C8orf34: variants seen among roughly 807,000 people sequenced by gnomAD.
The protein encoded by C8orf34 is uncharacterized protein C8orf34.
C8orf34 carries 65 observed loss-of-function variants against 68.3 expected under a neutral mutation model. The ratio of observed to expected loss-of-function variants is 0.95; its 90% CI spans 0.78 to 1.17. The LOEUF (loss-of-function observed/expected upper bound fraction) is 1.17, where lower values mean the gene tolerates loss of function less well. Ranked by LOEUF, C8orf34 falls within the 50% of genes most tolerant of loss-of-function variation. The pLI is 0.00. For synonymous variants in C8orf34, 244 were observed against 241.2 expected (o/e 1.01, Z -0.11); for missense variants, 664 against 655.4 (o/e 1.01, Z -0.14).
chr8:68,678,640 T>A lies in C8orf34; in HGVS notation c.1242-30354T>A, dbSNP rs58996833. ...GACAGACCCACAGCTAGTAGTATACTGAATGGGGAAAAACTGAAAGGCTTT... is the reference window on the plus strand; with the variant it reads ...GACAGACCCACAGCTAGTAGTATACAGAATGGGGAAAAACTGAAAGGCTTT... On this transcript the variant is annotated intron_variant, in intron 8 of 13. Coordinates refer to ENST00000518698, the MANE Select transcript of C8orf34 (RefSeq NM_052958.4). Among the ~76,000 whole-genome samples, 13 of 152,176 alleles carry A rather than the reference T, an allele frequency of 8.5e-5. No homozygotes were observed. In the East Asian group the frequency reaches 2.5e-3, roughly 30 times the overall value.
chr8:68,667,175 G>A (rs1243134711), intron 8 of C8orf34, among the ~76,000 whole-genome samples: 5 of 152,124 alleles, frequency 3.3e-5, no homozygotes, highest in Non-Finnish European at 5.9e-5. Flanking sequence ...AAACAATGAA[G>A]TCAAAGAGTT....
chr8:68,627,706 C>T (rs921947436), intron 7 of C8orf34, among the ~76,000 whole-genome samples: 1 of 152,212 alleles, frequency 6.6e-6, no homozygotes, highest in Admixed American at 6.5e-5. Context: ...GAAACCACTC[C>T]CAGATGTCTT....
chr8:68,385,143 T>A (rs1808206905), intron 1 of C8orf34, among the ~76,000 whole-genome samples: 1 of 152,186 alleles, frequency 6.6e-6, no homozygotes, highest in Non-Finnish European at 1.5e-5. Flanking sequence ...CCACAATTAC[T>A]ATGTGACAGT....
chr8:68,635,824 T>C (rs1818823581), intron 7 of C8orf34, among the ~76,000 whole-genome samples: 1 of 151,920 alleles, frequency 6.6e-6, no homozygotes, highest in East Asian at 1.9e-4. Context: ...ATTTCTTCTC[T>C]GCAGGCACAG....
intron 4 of C8orf34, among the ~76,000 whole-genome samples, chr8:68,485,849 G>A (rs1482700239): frequency 6.6e-6 from 1 of 151,764 alleles, no homozygotes; most frequent in African/African-American, 2.4e-5. Context: ...GACTTTGGGT[G>A]AGAAACAGAA....
At position 68,580,083 on chromosome 8, in the gene C8orf34, G is replaced by T. The variant is rs570444996; in HGVS notation, c.1105+46934G>T. 2.6e-5 allele frequency among the ~76,000 whole-genome samples: 4 copies of T among 152,124 alleles called. No homozygotes were observed. The South Asian group carries it at 8.3e-4, about 32-fold the overall frequency. ...CAAATTCATAGTAAGGACAGAAACA[G>T]AATAAACATAATGAGTAATAAAGTA... On this transcript the variant is annotated intron_variant, in intron 7 of 13. Coordinates refer to ENST00000518698, the MANE Select transcript of C8orf34 (RefSeq NM_052958.4).
chr8:68,503,140 A>G (rs1813851226), intron 5 of C8orf34, among the ~76,000 whole-genome samples: 2 of 152,208 alleles, frequency 1.3e-5, no homozygotes, highest in African/African-American at 4.8e-5. Context: ...AAGACTGTCC[A>G]TCAGTTGCAG....
chr8:68,602,960 T>A (rs1817742092), intron 7 of C8orf34, among the ~76,000 whole-genome samples: 1 of 152,140 alleles, frequency 6.6e-6, no homozygotes. Flanking sequence ...TCTTTCCACA[T>A]GTTGGCAGTT....
chr8:68,690,768 AAG>A, intron 8 of C8orf34, among the ~76,000 whole-genome samples: 1 of 152,222 alleles, frequency 6.6e-6, no homozygotes, highest in South Asian at 2.1e-4. Flanking sequence ...TTAGGAAATG[AAG>A]ACTCAAAGAA....
intron 8 of C8orf34, among the ~76,000 whole-genome samples, chr8:68,649,455 G>A (rs776400398): frequency 1.2e-4 from 18 of 152,126 alleles, no homozygotes; most frequent in Non-Finnish European, 2.1e-4. Context: ...GAATGGCTAC[G>A]TCATCCCAGA....
intron 3 of C8orf34, among the ~76,000 whole-genome samples, chr8:68,466,348 GT>G (rs2129629674): frequency 6.6e-6 from 1 of 152,102 alleles, no homozygotes; most frequent in African/African-American, 2.4e-5. Flanking sequence ...TAACACGAGT[GT>G]ACTGTACTCA....
rs549389444 is a variant in C8orf34, at chr8:68,777,885, G to C, written c.1455+1436G>C. Among the ~76,000 whole-genome samples, 3 of 152,178 alleles carry C rather than the reference G, an allele frequency of 2.0e-5. No homozygotes were observed. In the South Asian group the frequency reaches 6.2e-4, roughly 32 times the overall value. On this transcript the variant is annotated intron_variant, in intron 11 of 13. Transcript: ENST00000518698. ...AAATAAAATATATAAAATCTCTCCA[G>C]TTTATGAGATCCATTACTGACTTTC... is the stretch of plus-strand genomic sequence containing the variant.
At chr8:68,437,882 TC>T (rs1469562813) in intron 1 of C8orf34, 1 of 152,190 alleles carries the variant, frequency 6.6e-6, no homozygotes, top group Non-Finnish European at 1.5e-5. Flanking sequence ...CAACTTGGGA[TC>T]TTGTTATCTG....
At chr8:68,589,820 GGGAA>G (rs200694420) in intron 7 of C8orf34, among the ~76,000 whole-genome samples, 125 of 137,956 alleles carry the variant, frequency 9.1e-4, no homozygotes, top group African/African-American at 2.0e-3. Context: ...GGGAGGGAAG[GGGAA>G]GGAAGGAAGG....
intron 1 of C8orf34, among the ~76,000 whole-genome samples, chr8:68,435,720 C>T (rs974523562): frequency 1.3e-5 from 2 of 152,202 alleles, no homozygotes; most frequent in Non-Finnish European, 2.9e-5. Flanking sequence ...TATGGAGATT[C>T]TGAGAATTCA....
At chr8:68,671,724 G>A (rs144515686) in intron 8 of C8orf34, among the ~76,000 whole-genome samples, 37 of 152,146 alleles carry the variant, frequency 2.4e-4, no homozygotes, top group African/African-American at 8.9e-4. Flanking sequence ...TTATAATCGG[G>A]TAAGAGTTGT....
chr8:68,773,951 C>T (rs1039008469), intron 10 of C8orf34, among the ~76,000 whole-genome samples: 12 of 152,162 alleles, frequency 7.9e-5, no homozygotes, highest in African/African-American at 2.9e-4. Context: ...AATGTCCAGA[C>T]AAACGGGAAA....
chr8:68,376,290 G>A (rs2129619979), intron 1 of C8orf34, among the ~76,000 whole-genome samples: 1 of 151,746 alleles, frequency 6.6e-6, no homozygotes, highest in East Asian at 1.9e-4. Flanking sequence ...TAAATGGGGG[G>A]TCTTATGAAA....
intron 10 of C8orf34, among the ~76,000 whole-genome samples, chr8:68,722,481 A>T (rs72666788): frequency 0.016 from 2,456 of 152,212 alleles, 26 homozygotes; most frequent in Non-Finnish European, 0.026. Flanking sequence ...AGGATTTGGT[A>T]AAAGGCACCA....
Sources: allele counts gnomAD v4.1 joint callset (sites outside exome capture counted in the v4.1 genomes callset), GRCh38; gene constraint gnomAD v4.1.1; transcripts MANE v1.5; gene names NCBI Gene and HGNC (gene_info 2026-07-23, HGNC 2026-07-21).